Variants in CYB5R4 observed in about 807,000 individuals in gnomAD.
The protein encoded by CYB5R4 is N-terminal cytochrome b5 and cytochrome b5 oxidoreductase domain-containing protein.
In CYB5R4, 55 loss-of-function variants were observed where a neutral mutation model predicts 70.2. The observed-to-expected ratio is 0.78, with a 90% CI of 0.63 to 0.98. The LOEUF is 0.98. Among genes scored for constraint, CYB5R4 ranks in the 50% least tolerant of loss-of-function variants. The pLI, the probability that CYB5R4 is intolerant of heterozygous loss-of-function variation, is 0.00. For missense variants in CYB5R4, 562 were observed against 612.6 expected (o/e 0.92, Z 0.87); for synonymous variants, 197 against 199.5 (o/e 0.99, Z 0.11).
At chr6:83,958,340 A>G (rs926974718) in intron 15 of CYB5R4, among the ~76,000 whole-genome samples, 4 of 152,176 alleles carry the variant, frequency 2.6e-5, no homozygotes, top group African/African-American at 9.7e-5. Context: ...CACCACAAAT[A>G]TCTTACTAGA....
chr6:83,960,462 A>G lies in CYB5R4; in HGVS notation c.*584A>G, dbSNP rs2099473154. On this transcript the variant is annotated 3_prime_UTR_variant, in exon 16 of 16. Transcript: ENST00000369681. ...TAGAAATGTGGTTGAATGCAACAAT[A>G]TTGGGCCAGCGTCTCAAGGGGAATT... The G allele has an allele frequency of 1.3e-5, 2 of 152,434 alleles. No homozygotes were observed. The highest frequency in any genetic ancestry group is 6.5e-5 in the Admixed American group (1 of 15,286). The allele number at this position is 152,434 out of a possible 1,614,324, so 9.4% of individuals were successfully genotyped here.
intron 6 of CYB5R4, among the ~76,000 whole-genome samples, chr6:83,919,157 G>A (rs1462247350): frequency 6.6e-6 from 1 of 152,064 alleles, no homozygotes; most frequent in Non-Finnish European, 1.5e-5. Context: ...GTCTTGTTGA[G>A]GATATTTTGT....
chr6:83,955,222 A>C, intron 14 of CYB5R4, 76 bp from the exon 15 acceptor site: 1 of 1,211,500 alleles, frequency 8.3e-7, no homozygotes, highest in Non-Finnish European at 1.1e-6. Context: ...GGGGAGAAAT[A>C]TATTCTTGAA....
At chr6:83,860,175 C>A (rs575176185) in intron 1 of CYB5R4, among the ~76,000 whole-genome samples, 2 of 152,200 alleles carry the variant, frequency 1.3e-5, no homozygotes, top group African/African-American at 4.8e-5. Flanking sequence ...TATAGGCTCT[C>A]GGTATTAGCC....
intron 2 of CYB5R4, among the ~76,000 whole-genome samples, chr6:83,889,592 A>C (rs1335691314): frequency 1.3e-5 from 2 of 152,196 alleles, no homozygotes; most frequent in African/African-American, 4.8e-5. Context: ...ACTCATTGAC[A>C]ATGCAACTGG....
At chr6:83,921,595 A>G (rs532478675) in intron 8 of CYB5R4, among the ~76,000 whole-genome samples, 3 of 152,328 alleles carry the variant, frequency 2.0e-5, no homozygotes, top group Admixed American at 1.3e-4. Context: ...TGGACTACAA[A>G]TTTGTATTGT....
At chr6:83,955,227 C>T in intron 14 of CYB5R4, 71 bp from the exon 15 acceptor site, 1 of 1,237,292 alleles carries the variant, frequency 8.1e-7, no homozygotes, top group Non-Finnish European at 1.1e-6. Context: ...GAAATATATT[C>T]TTGAACTTGA....
chr6:83,887,820 G>C (rs1184261527), intron 2 of CYB5R4, among the ~76,000 whole-genome samples: 1 of 151,952 alleles, frequency 6.6e-6, no homozygotes, highest in Non-Finnish European at 1.5e-5. Context: ...TGGATGGATG[G>C]GTAGATGGAT....
At position 83,934,693 on chromosome 6, in the gene CYB5R4, G is replaced by T. The variant is rs777683535; in HGVS notation, c.913G>T (p.Val305Leu). The change falls in exon 11 of 16, where the codon GTG becomes TTG. Residue 305 changes from valine to leucine, a missense_variant. Transcript: ENST00000369681. ...GCTGCCACCAAGCACTCATCTTCAAGTGCCCATTGGGCAACATGTTTACCT... is the reference window on the plus strand; with the variant it reads ...GCTGCCACCAAGCACTCATCTTCAATTGCCCATTGGGCAACATGTTTACCT... ...LMLPPSTHLQ[V>L]PIGQHVYLKL... is the part of the protein sequence containing the mutation. 6.2e-7 allele frequency: 1 copy of T among 1,613,722 alleles called. No individual in the cohort carries two copies. The highest frequency in any genetic ancestry group is 8.5e-7 in the Non-Finnish European group (1 of 1,179,756).
At chr6:83,906,408 G>T (rs977137487) in intron 3 of CYB5R4, among the ~76,000 whole-genome samples, 1 of 152,142 alleles carries the variant, frequency 6.6e-6, no homozygotes, top group Non-Finnish European at 1.5e-5. Context: ...GTCTCAGGGG[G>T]CTTGTGAGAC....
chr6:83,927,156 GA>G (rs564782502), intron 10 of CYB5R4, among the ~76,000 whole-genome samples: 179 of 152,204 alleles, frequency 1.2e-3, no homozygotes, highest in Middle Eastern at 6.8e-3. Flanking sequence ...GATTCAGAAG[GA>G]ACTAACTGCA....
chr6:83,941,882 A>G (rs1562844765), intron 14 of CYB5R4, among the ~76,000 whole-genome samples: 1 of 152,156 alleles, frequency 6.6e-6, no homozygotes, highest in East Asian at 1.9e-4. Flanking sequence ...AAGCCTAAAG[A>G]CCTAAATTCC....
At chr6:83,930,497 A>G (rs1349611716) in intron 10 of CYB5R4, among the ~76,000 whole-genome samples, 2 of 152,136 alleles carry the variant, frequency 1.3e-5, no homozygotes, top group African/African-American at 2.4e-5. Flanking sequence ...CTAAGAAACA[A>G]CTGCTCATCT....
intron 15 of CYB5R4, among the ~76,000 whole-genome samples, chr6:83,958,443 A>C (rs1337968836): frequency 6.6e-6 from 1 of 152,218 alleles, no homozygotes; most frequent in Non-Finnish European, 1.5e-5. Flanking sequence ...GCATGGTCAA[A>C]AAAGTCATGT....
chr6:83,897,172 G>T (rs1213920355), intron 3 of CYB5R4, among the ~76,000 whole-genome samples: 4 of 150,978 alleles, frequency 2.6e-5, no homozygotes, highest in Admixed American at 2.6e-4. Flanking sequence ...TTGGTTTTTT[G>T]TCCTTGCGAT....
At position 83,965,666 on chromosome 6, in the gene CYB5R4, G is replaced by A. The variant is rs2099473942; in HGVS notation, c.*5788G>A. On this transcript the variant is annotated 3_prime_UTR_variant, in exon 16 of 16. Transcript: ENST00000369681. The stretch of plus-strand genomic sequence containing the variant: ...CTGTTGGGAATGCATGATTGGTTTT[G>A]AAATGTGAGGACATAAGATTTGGAG... 1 of 152,160 alleles carries A rather than the reference G, an allele frequency of 6.6e-6. No homozygotes were observed. Among genetic ancestry groups the A allele is most frequent in the Admixed American group, 6.5e-5 (1 of 15,280 alleles). The allele number at this position is 152,160 out of a possible 1,614,324, so 9.4% of individuals were successfully genotyped here.
intron 13 of CYB5R4, 148 bp downstream of exon 13, chr6:83,940,354 A>G (rs1401084223): frequency 9.1e-7 from 1 of 1,094,166 alleles, no homozygotes. Flanking sequence ...AATCCTAGCT[A>G]TTTTATTAAC....
intron 4 of CYB5R4, among the ~76,000 whole-genome samples, chr6:83,912,228 A>ATGTTGT (rs1022882546): frequency 2.0e-5 from 3 of 151,972 alleles, no homozygotes; most frequent in African/African-American, 7.3e-5. Flanking sequence ...GTTTCTGTTG[A>ATGTTGT]TGTTGTTGTT....
intron 14 of CYB5R4, among the ~76,000 whole-genome samples, chr6:83,941,171 C>G (rs1004286022): frequency 1.3e-5 from 2 of 152,068 alleles, no homozygotes; most frequent in Non-Finnish European, 2.9e-5. Context: ...GAAAAAAGTT[C>G]TAGTCAAGCT....
Sources: allele counts gnomAD v4.1 joint callset (sites outside exome capture counted in the v4.1 genomes callset), GRCh38; gene constraint gnomAD v4.1.1; transcripts MANE v1.5; gene names NCBI Gene and HGNC (gene_info 2026-07-23, HGNC 2026-07-21).